Variants in VPS13B observed in about 807,000 individuals in gnomAD.
The protein encoded by VPS13B is intermembrane lipid transfer protein VPS13B.
In VPS13B, 285 loss-of-function variants were observed where a neutral mutation model predicts 426.4. The observed-to-expected ratio is 0.67, with a 90% CI of 0.61 to 0.74. The LOEUF is 0.74. VPS13B is among the 30% of genes least tolerant of loss of function. The pLI is 0.00. For missense variants in VPS13B, 4,537 were observed against 4,782.6 expected (o/e 0.95, Z 1.51); for synonymous variants, 1,676 against 1,676.4 (o/e 1.00, Z 0.01).
At chr8:99,123,770 A>G (rs924260163) in intron 8 of VPS13B, among the ~76,000 whole-genome samples, 1 of 152,120 alleles carries the variant, frequency 6.6e-6, no homozygotes, top group African/African-American at 2.4e-5. Flanking sequence ...AAAAAAGATG[A>G]TCCAAGGATG....
chr8:99,715,996 G>A (rs765553739), intron 36 of VPS13B, among the ~76,000 whole-genome samples: 47 of 152,018 alleles, frequency 3.1e-4, no homozygotes, highest in Admixed American at 1.6e-3. Flanking sequence ...TTTTTTGCTT[G>A]TTTATTTGTT....
chr8:99,637,961 A>G (rs1407227044), intron 33 of VPS13B, among the ~76,000 whole-genome samples: 2 of 152,072 alleles, frequency 1.3e-5, no homozygotes. Flanking sequence ...TTAGTTTGTA[A>G]TGCCTCAAAA....
chr8:99,138,105 T>C (rs1476105226), intron 12 of VPS13B, among the ~76,000 whole-genome samples: 1 of 152,178 alleles, frequency 6.6e-6, no homozygotes, highest in Non-Finnish European at 1.5e-5. Flanking sequence ...AGCATTTAGT[T>C]CATATGTACC....
At chr8:99,555,320 A>G (rs753173295) in intron 30 of VPS13B, among the ~76,000 whole-genome samples, 1 of 152,084 alleles carries the variant, frequency 6.6e-6, no homozygotes, top group African/African-American at 2.4e-5. Flanking sequence ...CCAAGGCATA[A>G]ACTGAATCAG....
At chr8:99,444,108 C>CT (rs1294794224) in intron 23 of VPS13B, among the ~76,000 whole-genome samples, 2 of 141,818 alleles carry the variant, frequency 1.4e-5, no homozygotes, top group Non-Finnish European at 3.1e-5. Context: ...TCTTTTTTTT[C>CT]TTTTTTTTGA....
chr8:99,570,089 GT>G (rs1046312223), intron 31 of VPS13B, among the ~76,000 whole-genome samples: 1 of 152,116 alleles, frequency 6.6e-6, no homozygotes, highest in Non-Finnish European at 1.5e-5. Context: ...TTGGAATGCT[GT>G]AATCTGTTTT....
Position 99,035,065 on chromosome 8 carries a change from G to A in VPS13B, c.148-3358G>A, listed in dbSNP as rs891735192. ...AAAAAAATTGGTTGGGCGTGGTGAC[G>A]TGCATATAATCCTAGCTACTTGGCA... is the stretch of plus-strand genomic sequence containing the variant. On this transcript the variant is annotated intron_variant, in intron 2 of 61. Transcript: ENST00000357162. 5.3e-5 allele frequency among the ~76,000 whole-genome samples: 8 copies of A among 152,136 alleles called. No homozygotes were observed. In the East Asian group the frequency reaches 7.7e-4, roughly 15 times the overall value.
chr8:99,536,740 CG>C (rs1295936725), intron 30 of VPS13B: 1 of 533,548 alleles, frequency 1.9e-6, no homozygotes, highest in African/African-American at 1.9e-5. Context: ...TGGCATTAAA[CG>C]TATTCCCAGT....
At chr8:99,336,956 G>A (rs1462711293) in intron 19 of VPS13B, among the ~76,000 whole-genome samples, 1 of 152,048 alleles carries the variant, frequency 6.6e-6, no homozygotes, top group South Asian at 2.1e-4. Flanking sequence ...TCAGTGTGGC[G>A]ATTCCTCAGG....
At chr8:99,825,386 C>T (rs1304527307) in intron 51 of VPS13B, among the ~76,000 whole-genome samples, 1 of 151,752 alleles carries the variant, frequency 6.6e-6, no homozygotes, top group African/African-American at 2.4e-5. Context: ...TGAGAAGTGT[C>T]TGTGTATATC....
intron 35 of VPS13B, among the ~76,000 whole-genome samples, chr8:99,673,854 A>G: frequency 6.6e-6 from 1 of 152,122 alleles, no homozygotes; most frequent in East Asian, 1.9e-4. Context: ...TAATTTCTTC[A>G]TTGATTCATT....
intron 24 of VPS13B, among the ~76,000 whole-genome samples, chr8:99,481,380 TG>T (rs1820027860): frequency 6.6e-6 from 1 of 152,236 alleles, no homozygotes; most frequent in African/African-American, 2.4e-5. Flanking sequence ...TACATTACTG[TG>T]GTTTTAATCC....
intron 20 of VPS13B, among the ~76,000 whole-genome samples, chr8:99,384,692 A>G (rs1213537850): frequency 6.6e-6 from 1 of 152,006 alleles, no homozygotes; most frequent in Non-Finnish European, 1.5e-5. Flanking sequence ...ACACAGTTTC[A>G]CTCTGCCTCC....
At chr8:99,870,961 T>G in intron 60 of VPS13B, 74 bp downstream of exon 60, 1 of 1,456,230 alleles carries the variant, frequency 6.9e-7, no homozygotes, top group Non-Finnish European at 9.6e-7. Flanking sequence ...GCTCTCAAGC[T>G]AATGGGCCAT....
intron 44 of VPS13B, among the ~76,000 whole-genome samples, chr8:99,811,612 T>C (rs1178060427): frequency 6.6e-5 from 10 of 152,172 alleles, no homozygotes; most frequent in Non-Finnish European, 1.5e-5. Context: ...TTCAGCTCAT[T>C]TTAGTGTGGC....
intron 39 of VPS13B, among the ~76,000 whole-genome samples, chr8:99,740,330 A>G (rs530352514): frequency 1.3e-5 from 2 of 152,372 alleles, no homozygotes; most frequent in South Asian, 4.1e-4. Flanking sequence ...CTGTGAAAAG[A>G]CCAAATCTAC....
chr8:99,420,450 C>T (rs10504989), intron 21 of VPS13B, among the ~76,000 whole-genome samples: 45,408 of 151,938 alleles, frequency 0.3, 8,197 homozygotes, highest in South Asian at 0.48. Context: ...GAGATGTTTT[C>T]GTATAAATCA....
chr8:99,431,784 CT>C lies in VPS13B; in HGVS notation c.3210+122del. 3.7e-6 allele frequency: 4 copies of C among 1,080,434 alleles called. No individual in the cohort carries two copies. The South Asian group carries it at 6.5e-5, about 17-fold the overall frequency. The allele number at this position is 1,080,434 out of a possible 1,614,324, so 66.9% of individuals were successfully genotyped here. A position where few individuals can be genotyped will look rare whatever the true frequency, so the allele number is the denominator to read the frequency against. ...ACAATTATGTATACCATCTCATTTT[CT>C]TAATTTAGTTGAAAATAATTGGTGT... is the stretch of plus-strand genomic sequence containing the variant. On this transcript the variant is annotated intron_variant, in intron 22 of 61. Transcript: ENST00000357162.
chr8:99,152,197 A>G (rs1165310317), intron 14 of VPS13B, among the ~76,000 whole-genome samples: 2 of 152,170 alleles, frequency 1.3e-5, no homozygotes, highest in African/African-American at 4.8e-5. Context: ...ACAAATTTCG[A>G]TAAGTTGGAT....
Sources: allele counts gnomAD v4.1 joint callset (sites outside exome capture counted in the v4.1 genomes callset), GRCh38; gene constraint gnomAD v4.1.1; transcripts MANE v1.5; gene names NCBI Gene and HGNC (gene_info 2026-07-23, HGNC 2026-07-21).